The following WDR26 variants were observed in gnomAD, a reference collection of about 807,000 sequenced individuals.
WDR26 encodes the protein WD repeat domain 26.
WDR26 carries 5 observed loss-of-function variants against 84.1 expected under a neutral mutation model. The observed-to-expected ratio is 0.06, with a 90% confidence interval of 0.03 to 0.13. The LOEUF is 0.13. Ranked by LOEUF, WDR26 falls within the 10% of genes least tolerant of loss-of-function variation. The pLI is 1.00. For synonymous variants in WDR26, 415 were observed against 389.6 expected (o/e 1.07, Z -0.77); for missense variants, 642 against 974.9 (o/e 0.66, Z 4.55).
Position 224,434,657 on chromosome 1 carries a change from G to A in WDR26, c.-252C>T. On this transcript the variant is annotated 5_prime_UTR_variant, in exon 1 of 14. Transcript: ENST00000414423. ...CGCGGGGCGGCTGCGGGGGCGCGGGGCCCGCCGCTGGGCTGAGCCCCGGCA... is the reference window on the plus strand; with the variant it reads ...CGCGGGGCGGCTGCGGGGGCGCGGGACCCGCCGCTGGGCTGAGCCCCGGCA... The A allele has an allele frequency of 1.3e-6, 1 of 773,536 alleles. No homozygotes were observed. Among genetic ancestry groups the A allele is most frequent in the South Asian group, 5.5e-5 (1 of 18,026 alleles). 47.9% of individuals were successfully genotyped at this position (773,536 alleles called of 1,614,324 possible). A position where few individuals can be genotyped will look rare whatever the true frequency, so the allele number is the denominator to read the frequency against.
chr1:224,409,166 T>C (rs964665392), intron 7 of WDR26, among the ~76,000 whole-genome samples: 2 of 152,194 alleles, frequency 1.3e-5, no homozygotes, highest in Non-Finnish European at 2.9e-5. Context: ...CATATTATAG[T>C]TGTTGCAGAT....
intron 3 of WDR26, among the ~76,000 whole-genome samples, chr1:224,428,390 G>A (rs1674290446): frequency 6.6e-6 from 1 of 152,110 alleles, no homozygotes; most frequent in African/African-American, 2.4e-5. Context: ...GAGAAAAGGG[G>A]AAATAAATTA....
At chr1:224,398,744 T>G (rs192040656) in intron 10 of WDR26, 145 bp downstream of exon 10, 23 of 1,213,286 alleles carry the variant, frequency 1.9e-5, no homozygotes, top group African/African-American at 1.1e-4. Context: ...TCTGAGTTAC[T>G]GATTACTAAG....
chr1:224,390,780 C>G (rs1673102871), intron 13 of WDR26, among the ~76,000 whole-genome samples: 1 of 151,794 alleles, frequency 6.6e-6, no homozygotes, highest in South Asian at 2.1e-4. Context: ...AAAACAGAAA[C>G]AAACACAAAA....
At position 224,391,135 on chromosome 1, in the gene WDR26, C is replaced by G. The variant is rs141328514; in HGVS notation, c.2261-1275G>C. On this transcript the variant is annotated intron_variant, in intron 13 of 13. Coordinates refer to ENST00000414423, the MANE Select transcript of WDR26 (RefSeq NM_001379403.1). Reference sequence around the variant, plus strand: ...ATCCCAGTACTTTGGGAGGCCAAGACAGGCCGACTTCACCTGAAGTCGGGA... The same window carrying G: ...ATCCCAGTACTTTGGGAGGCCAAGAGAGGCCGACTTCACCTGAAGTCGGGA... Among the ~76,000 whole-genome samples, 1,179 of 151,632 alleles carry G rather than the reference C, an allele frequency of 7.8e-3. 15 individuals carry two copies. Among genetic ancestry groups the G allele is most frequent in the Non-Finnish European group, 0.011 (731 of 67,878 alleles).
rs536725810 is a variant in WDR26, at chr1:224,403,703, G to A, written c.1599+727C>T. On this transcript the variant is annotated intron_variant, in intron 8 of 13. Coordinates refer to ENST00000414423, the MANE Select transcript of WDR26 (RefSeq NM_001379403.1). ...TGTAGTCCTAACACTTTGGGAGGCC[G>A]AGGCAGGCGGATCACTTTAGGTGAA... 2.3e-4 allele frequency among the ~76,000 whole-genome samples: 35 copies of A among 152,330 alleles called. No homozygotes were observed. In the South Asian group the frequency reaches 7.0e-3, roughly 31 times the overall value.
intron 1 of WDR26, 56 bp downstream of exon 1, chr1:224,433,628 C>A: frequency 1.5e-6 from 2 of 1,336,700 alleles, no homozygotes; most frequent in East Asian, 2.9e-5. Context: ...CCCTACCCCC[C>A]TGGAGCCTCC....
At chr1:224,391,137 G>A (rs923267769) in intron 13 of WDR26, among the ~76,000 whole-genome samples, 1 of 151,524 alleles carries the variant, frequency 6.6e-6, no homozygotes, top group Non-Finnish European at 1.5e-5. Context: ...GGCCAAGACA[G>A]GCCGACTTCA....
intron 10 of WDR26, 116 bp from the exon 11 acceptor site, chr1:224,398,709 C>T: frequency 1.7e-6 from 2 of 1,177,526 alleles, no homozygotes; most frequent in Admixed American, 2.4e-5. Context: ...ATCACTATTA[C>T]ATACTATACT....
At chr1:224,400,926 G>A in intron 9 of WDR26, 24 bp downstream of exon 9, 3 of 1,606,506 alleles carry the variant, frequency 1.9e-6, no homozygotes, top group Non-Finnish European at 2.5e-6. Context: ...AACAGATACT[G>A]GGAAGGGGGC....
intron 8 of WDR26, among the ~76,000 whole-genome samples, chr1:224,401,702 GAAAAAA>G (rs1673426252): frequency 1.0e-5 from 1 of 97,768 alleles, no homozygotes; most frequent in African/African-American, 4.0e-5. Flanking sequence ...AAAAAAAAAA[GAAAAAA>G]GAAAAAAAAA....
chr1:224,413,268 G>C, intron 6 of WDR26: 2 of 1,211,026 alleles, frequency 1.7e-6, no homozygotes, highest in South Asian at 1.4e-5. Context: ...AGTGTATCTT[G>C]AAACACGGTC....
intron 8 of WDR26, 34 bp downstream of exon 8, chr1:224,404,396 C>CT (rs1673497718): frequency 6.2e-7 from 1 of 1,609,052 alleles, no homozygotes; most frequent in African/African-American, 1.3e-5. Context: ...CTATGCTGTA[C>CT]TTAAAAGCTC....
At chr1:224,407,137 A>AT (rs1553355646) in intron 7 of WDR26, among the ~76,000 whole-genome samples, 45 of 38,450 alleles carry the variant, frequency 1.2e-3, no homozygotes, top group African/African-American at 4.6e-3. Context: ...AAAAAAAAAA[A>AT]AAAAAAAAAA....
intron 12 of WDR26, chr1:224,397,851 C>T (rs1673307205): frequency 4.3e-6 from 2 of 460,590 alleles, no homozygotes; most frequent in Non-Finnish European, 7.6e-6. Flanking sequence ...TAATCCGTGA[C>T]AATACATGAC....
chr1:224,412,776 G>A (rs1318389166), intron 6 of WDR26: 1 of 152,216 alleles, frequency 6.6e-6, no homozygotes, highest in Admixed American at 6.5e-5. Context: ...TAAGCTGGAG[G>A]AACTTGATTT....
chr1:224,422,714 C>A (rs199542543), intron 4 of WDR26, among the ~76,000 whole-genome samples: 119 of 146,148 alleles, frequency 8.1e-4, no homozygotes, highest in East Asian at 1.4e-3. Context: ...AACTCTGTCT[C>A]AAAAAAAAAA....
Position 224,389,302 on chromosome 1 carries a change from G to C in WDR26, c.*533C>G, listed in dbSNP as rs770838179. On this transcript the variant is annotated 3_prime_UTR_variant, in exon 14 of 14. Transcript: ENST00000414423. ...CTGGATCAGTATATACTGCGCAACG[G>C]GCAAGGCTAGAATCCATGAACCAAG... 4.7e-5 allele frequency: 9 copies of C among 191,660 alleles called. No homozygotes were observed. The highest frequency in any genetic ancestry group is 7.4e-5 in the Non-Finnish European group (7 of 95,018). 11.9% of individuals were successfully genotyped at this position (191,660 alleles called of 1,614,324 possible).
At position 224,393,920 on chromosome 1, in the gene WDR26, G is replaced by A. The variant is rs1467360337; in HGVS notation, c.2168C>T (p.Pro723Leu). Residue 723 changes from proline to leucine, a missense_variant, in exon 13 of 14, where the codon CCA becomes CTA. Physicochemically the swap from Pro to Leu is moderately conservative, Grantham distance 98. Around this residue, in one of 2 missense-constraint regions of WDR26, gnomAD observed 351 missense variants for 672.8 expected, o/e 0.52. Transcript: ENST00000414423. ...GCTGGCCATCATGGATGGAATCTGT[G>A]GGTTCCAGCTCACACAGTTTACTGT... 5 of 1,593,062 alleles carry A rather than the reference G, an allele frequency of 3.1e-6. No individual in the cohort carries two copies. Among genetic ancestry groups the A allele is most frequent in the Non-Finnish European group, 4.3e-6 (5 of 1,163,636 alleles).
Sources: allele counts gnomAD v4.1 joint callset (sites outside exome capture counted in the v4.1 genomes callset), GRCh38; gene constraint gnomAD v4.1.1; regional missense constraint gnomAD v4.1.1; transcripts MANE v1.5; gene names NCBI Gene and HGNC (gene_info 2026-07-23, HGNC 2026-07-21).